Variants in SYNPR observed in about 807,000 individuals in gnomAD.
SYNPR encodes synaptoporin.
SYNPR carries 23 observed loss-of-function variants against 32.9 expected under a neutral mutation model. The ratio of observed to expected loss-of-function variants is 0.70; its 90% confidence interval spans 0.50 to 0.99. The LOEUF is 0.99. SYNPR is among the 50% of genes least tolerant of loss of function. The probability of loss-of-function intolerance (pLI) is 0.00; values close to 1 mark genes in which losing one functional copy is unlikely to be tolerated. For synonymous variants in SYNPR, 146 were observed against 135.9 expected (o/e 1.07, Z -0.52); for missense variants, 318 against 349.3 (o/e 0.91, Z 0.71).
At chr3:63,274,239 C>T (rs2106911494), upstream of SYNPR, among the ~76,000 whole-genome samples, 1 of 152,230 alleles carries the variant, frequency 6.6e-6, no homozygotes, top group South Asian at 2.1e-4. Context: ...GAATATGAAA[C>T]CCAGGTATAT....
At chr3:63,316,854 T>C (rs926619444) in intron 2 of SYNPR, among the ~76,000 whole-genome samples, 2 of 152,014 alleles carry the variant, frequency 1.3e-5, no homozygotes, top group African/African-American at 4.8e-5. Context: ...TCAATCTTTT[T>C]TATATAGGTG....
chr3:63,525,241 T>C (rs1701990759), intron 3 of SYNPR, among the ~76,000 whole-genome samples: 1 of 152,180 alleles, frequency 6.6e-6, no homozygotes, highest in African/African-American at 2.4e-5. Context: ...ATTTTTTTCT[T>C]CTGTAAAACT....
At chr3:63,277,786 C>T (rs1299484438), upstream of SYNPR, among the ~76,000 whole-genome samples, 3 of 152,024 alleles carry the variant, frequency 2.0e-5, no homozygotes, top group African/African-American at 7.2e-5. Flanking sequence ...CTGTCCAGAC[C>T]ACATTGCAAG....
At chr3:63,425,040 G>A (rs1296568226) in intron 2 of SYNPR, among the ~76,000 whole-genome samples, 1 of 152,196 alleles carries the variant, frequency 6.6e-6, no homozygotes, top group Non-Finnish European at 1.5e-5. Flanking sequence ...AGGGGAAAGT[G>A]TGGTCTTCCT....
At chr3:63,211,479 T>C in the SYNPR span, among the ~76,000 whole-genome samples, 2 of 152,360 alleles carry the variant, frequency 1.3e-5, no homozygotes, top group East Asian at 3.9e-4. Context: ...TGTTGAATCT[T>C]TGCAAGTGCT....
chr3:63,503,049 CAA>C (rs1406617093), intron 3 of SYNPR, among the ~76,000 whole-genome samples: 1 of 152,098 alleles, frequency 6.6e-6, no homozygotes, highest in Admixed American at 6.6e-5. Flanking sequence ...AAGAAATCAC[CAA>C]ATTGCTTTCC....
chr3:63,331,762 G>A (rs1158183398), intron 2 of SYNPR, among the ~76,000 whole-genome samples: 1 of 152,202 alleles, frequency 6.6e-6, no homozygotes, highest in East Asian at 1.9e-4. Context: ...TTGAAACTGA[G>A]AGAGGTTCAG....
intron 3 of SYNPR, among the ~76,000 whole-genome samples, chr3:63,504,065 AG>A (rs1559519603): frequency 2.6e-5 from 4 of 152,120 alleles, no homozygotes; most frequent in Admixed American, 1.3e-4. Context: ...ATCTTTAGCA[AG>A]TACTATATAT....
chr3:63,401,357 C>T (rs2088287766), intron 2 of SYNPR, among the ~76,000 whole-genome samples: 1 of 152,052 alleles, frequency 6.6e-6, no homozygotes, highest in Non-Finnish European at 1.5e-5. Context: ...CATGCGATTG[C>T]TATGGTCAAT....
intron 2 of SYNPR, chr3:63,330,429 G>A (rs562903468): frequency 6.8e-6 from 1 of 147,438 alleles, no homozygotes; most frequent in South Asian, 2.3e-4. Context: ...TGTAATTGGG[G>A]ATCTACCTTT....
At chr3:63,391,533 A>T (rs1380942211) in intron 2 of SYNPR, among the ~76,000 whole-genome samples, 5 of 152,204 alleles carry the variant, frequency 3.3e-5, no homozygotes, top group Non-Finnish European at 7.3e-5. Context: ...GCTAACACCT[A>T]TGAGAATTAT....
intron 3 of SYNPR, among the ~76,000 whole-genome samples, chr3:63,513,908 A>G (rs1050363787): frequency 6.6e-6 from 1 of 152,160 alleles, no homozygotes; most frequent in East Asian, 1.9e-4. Flanking sequence ...TCTTGCTAAA[A>G]TGAAGCCCTT....
At chr3:63,364,794 G>T (rs2087710809) in intron 2 of SYNPR, among the ~76,000 whole-genome samples, 1 of 152,154 alleles carries the variant, frequency 6.6e-6, no homozygotes, top group Admixed American at 6.6e-5. Flanking sequence ...TGCCATTGGA[G>T]ATTATGATTC....
intron 4 of SYNPR, among the ~76,000 whole-genome samples, chr3:63,567,077 C>A (rs1384281668): frequency 6.6e-6 from 1 of 152,104 alleles, no homozygotes; most frequent in African/African-American, 2.4e-5. Context: ...GTTCTCTGAG[C>A]CTCCCAACTC....
intron 5 of SYNPR, among the ~76,000 whole-genome samples, chr3:63,611,017 C>A (rs1204701236): frequency 6.6e-6 from 1 of 152,170 alleles, no homozygotes; most frequent in Non-Finnish European, 1.5e-5. Flanking sequence ...TTCCTAGTGA[C>A]AGAAAACTCA....
the SYNPR span, among the ~76,000 whole-genome samples, chr3:63,206,827 G>A: frequency 1.3e-5 from 2 of 152,178 alleles, no homozygotes; most frequent in Non-Finnish European, 2.9e-5. Flanking sequence ...CCTGAGCTGG[G>A]CCAATCAAAT....
chr3:63,573,107 T>C (rs564651577), intron 4 of SYNPR, among the ~76,000 whole-genome samples: 5 of 152,314 alleles, frequency 3.3e-5, no homozygotes, highest in Admixed American at 3.3e-4. Flanking sequence ...GAAAATATCT[T>C]ATTAATTGCA....
chr3:63,427,313 T>G (rs1699911534), intron 2 of SYNPR: 1 of 152,044 alleles, frequency 6.6e-6, no homozygotes, highest in Non-Finnish European at 1.5e-5. Flanking sequence ...TGTCTGAAAG[T>G]CAGTTACTTT....
chr3:63,252,871 T>C (rs2086345648), intron 2 of SYNPR, among the ~76,000 whole-genome samples: 1 of 151,942 alleles, frequency 6.6e-6, no homozygotes, highest in Non-Finnish European at 1.5e-5. Context: ...TGAAACTGTC[T>C]CTACTAAAAA....
Sources: gnomAD v4.1 joint callset for allele counts (sites outside exome capture counted in the v4.1 genomes callset) on GRCh38, gnomAD v4.1.1 for gene constraint, MANE v1.5 for transcripts, NCBI Gene and HGNC (gene_info 2026-07-23, HGNC 2026-07-21) for gene names.